The following STAU2 variants were observed in gnomAD, a reference collection of about 807,000 sequenced individuals.
STAU2 encodes the protein staufen double-stranded RNA binding protein 2.
STAU2 carries 20 observed loss-of-function variants against 65.9 expected under a neutral mutation model. The ratio of observed to expected loss-of-function variants is 0.30; its 90% CI spans 0.21 to 0.44. The LOEUF (loss-of-function observed/expected upper bound fraction) is 0.44, where lower values mean the gene tolerates loss of function less well. STAU2 is among the 20% of genes least tolerant of loss of function. The pLI is 1.00. For synonymous variants in STAU2, 232 were observed against 233.9 expected (o/e 0.99, Z 0.07); for missense variants, 558 against 683.9 (o/e 0.82, Z 2.05).
intron 3 of STAU2, among the ~76,000 whole-genome samples, chr8:73,734,624 T>C (rs576441041): frequency 1.3e-5 from 2 of 151,996 alleles, no homozygotes; most frequent in African/African-American, 2.4e-5. Flanking sequence ...TGAAACTCCA[T>C]CTCTACTAAG....
chr8:73,693,456 A>C (rs1352363597), intron 4 of STAU2, among the ~76,000 whole-genome samples: 1 of 150,784 alleles, frequency 6.6e-6, no homozygotes, highest in Non-Finnish European at 1.5e-5. Context: ...GCCTGGGCGA[A>C]AGAGTGAGAC....
chr8:73,605,890 C>T (rs938884836), intron 9 of STAU2, among the ~76,000 whole-genome samples: 6 of 143,344 alleles, frequency 4.2e-5, no homozygotes, highest in Admixed American at 6.8e-5. Flanking sequence ...CACACACACA[C>T]ACACACACAC....
At chr8:73,593,986 A>C (rs1452373757) in intron 11 of STAU2, among the ~76,000 whole-genome samples, 1 of 152,212 alleles carries the variant, frequency 6.6e-6, no homozygotes, top group Non-Finnish European at 1.5e-5. Context: ...AATGAAATTA[A>C]TTAATGCTGG....
chr8:73,693,796 ATTCT>A (rs1374329486), intron 4 of STAU2, among the ~76,000 whole-genome samples: 1 of 152,238 alleles, frequency 6.6e-6, no homozygotes, highest in Non-Finnish European at 1.5e-5. Flanking sequence ...GAAGTTAATT[ATTCT>A]TTCTAACTCT....
At chr8:73,605,397 A>G in intron 9 of STAU2, among the ~76,000 whole-genome samples, 1 of 138,576 alleles carries the variant, frequency 7.2e-6, no homozygotes, top group Non-Finnish European at 1.5e-5. Flanking sequence ...CAACCTCTGT[A>G]TCCTGGGTTC....
chr8:73,608,358 A>C (rs1333682123), intron 9 of STAU2, among the ~76,000 whole-genome samples: 1 of 152,192 alleles, frequency 6.6e-6, no homozygotes, highest in African/African-American at 2.4e-5. Flanking sequence ...CTGTAATCCC[A>C]GCACTTTGAG....
intron 4 of STAU2, among the ~76,000 whole-genome samples, chr8:73,703,684 C>A (rs531044871): frequency 6.6e-6 from 1 of 152,174 alleles, no homozygotes; most frequent in East Asian, 1.9e-4. Context: ...AATAACTATG[C>A]TAAGTGAAAA....
At chr8:73,742,507 G>T (rs1175844706) in intron 1 of STAU2, 4 of 151,740 alleles carry the variant, frequency 2.6e-5, no homozygotes, top group Admixed American at 6.6e-5. Context: ...TCTAGCCTGG[G>T]TGACAGAGTA....
At chr8:73,687,413 T>G in intron 5 of STAU2, among the ~76,000 whole-genome samples, 1 of 130,982 alleles carries the variant, frequency 7.6e-6, no homozygotes, top group South Asian at 2.2e-4. Context: ...ATATTTAAAT[T>G]AATTTAAATA....
At chr8:73,695,623 A>G (rs1285089665) in intron 4 of STAU2, among the ~76,000 whole-genome samples, 2 of 152,200 alleles carry the variant, frequency 1.3e-5, no homozygotes, top group East Asian at 1.9e-4. Context: ...GTACCAGCTC[A>G]GCCACAGCAG....
intron 13 of STAU2, among the ~76,000 whole-genome samples, chr8:73,482,055 G>T (rs992899338): frequency 6.6e-6 from 1 of 152,056 alleles, no homozygotes. Context: ...TTTTGGCTGC[G>T]GCTGGTTTAT....
At chr8:73,619,201 C>T (rs1453673903) in intron 6 of STAU2, among the ~76,000 whole-genome samples, 2 of 151,954 alleles carry the variant, frequency 1.3e-5, no homozygotes, top group East Asian at 1.9e-4. Flanking sequence ...CGATGTCCTT[C>T]CTGAAAGTCA....
intron 13 of STAU2, among the ~76,000 whole-genome samples, chr8:73,452,773 A>G (rs1286626419): frequency 6.6e-6 from 1 of 152,242 alleles, no homozygotes; most frequent in Non-Finnish European, 1.5e-5. Flanking sequence ...AGTATTGTAA[A>G]GATGTCTTCA....
At chr8:73,457,369 C>G (rs1296524952) in intron 13 of STAU2, among the ~76,000 whole-genome samples, 1 of 152,184 alleles carries the variant, frequency 6.6e-6, no homozygotes, top group Non-Finnish European at 1.5e-5. Context: ...AGGATAAGGG[C>G]CAACAAGGCT....
intron 12 of STAU2, among the ~76,000 whole-genome samples, chr8:73,563,276 T>C (rs1267635285): frequency 1.3e-5 from 2 of 152,122 alleles, no homozygotes; most frequent in Non-Finnish European, 2.9e-5. Flanking sequence ...GGAGATCATG[T>C]AGGGACACTA....
intron 13 of STAU2, among the ~76,000 whole-genome samples, chr8:73,425,746 G>C (rs1008957623): frequency 6.6e-6 from 1 of 151,934 alleles, no homozygotes; most frequent in Admixed American, 6.6e-5. Flanking sequence ...CCACAATCCT[G>C]CTCACCATTC....
chr8:73,610,121 A>G (rs767749569), intron 9 of STAU2, among the ~76,000 whole-genome samples: 2 of 152,076 alleles, frequency 1.3e-5, no homozygotes, highest in Non-Finnish European at 2.9e-5. Flanking sequence ...TCTACAAAAA[A>G]TACAAAAAAT....
intron 1 of STAU2, among the ~76,000 whole-genome samples, chr8:73,744,330 C>T (rs185587327): frequency 6.6e-6 from 1 of 151,988 alleles, no homozygotes; most frequent in East Asian, 1.9e-4. Flanking sequence ...TCATACTGTG[C>T]GTGTCTCAAA....
At chr8:73,465,094 T>A (rs1463086982) in intron 13 of STAU2, among the ~76,000 whole-genome samples, 4 of 152,154 alleles carry the variant, frequency 2.6e-5, no homozygotes, top group African/African-American at 7.2e-5. Context: ...GTCTTGCTTA[T>A]CAAAGAGCAG....
Sources: allele counts gnomAD v4.1 joint callset (sites outside exome capture counted in the v4.1 genomes callset), GRCh38; gene constraint gnomAD v4.1.1; transcripts MANE v1.5; gene names NCBI Gene and HGNC (gene_info 2026-07-23, HGNC 2026-07-21).